PTPRG: variants seen among roughly 807,000 people sequenced by gnomAD.
PTPRG encodes protein tyrosine phosphatase receptor type G, also known as receptor-type tyrosine-protein phosphatase gamma.
PTPRG carries 102 observed loss-of-function variants against 165.3 expected under a neutral mutation model. That is an observed-to-expected ratio of 0.62 (90% CI 0.53 to 0.73). PTPRG has a LOEUF of 0.73. PTPRG is among the 30% of genes least tolerant of loss of function. The pLI, the probability that PTPRG is intolerant of heterozygous loss-of-function variation, is 0.00. For missense variants in PTPRG, 1,866 were observed against 1,861.4 expected (o/e 1.00, Z -0.05); for synonymous variants, 675 against 669.5 (o/e 1.01, Z -0.13).
At chr3:62,166,815 A>G (rs1163408704) in intron 7 of PTPRG, among the ~76,000 whole-genome samples, 2 of 151,850 alleles carry the variant, frequency 1.3e-5, no homozygotes, top group East Asian at 3.9e-4. Context: ...CACCCTCCCA[A>G]GAAGCTGCGA....
chr3:61,618,307 G>C (rs553999994), intron 1 of PTPRG, among the ~76,000 whole-genome samples: 1 of 152,228 alleles, frequency 6.6e-6, no homozygotes, highest in African/African-American at 2.4e-5. Context: ...TATCCATTAA[G>C]AAACTGGTAA....
intron 2 of PTPRG, among the ~76,000 whole-genome samples, chr3:61,799,069 A>G (rs2035152993): frequency 6.6e-6 from 1 of 152,154 alleles, no homozygotes; most frequent in South Asian, 2.1e-4. Flanking sequence ...ATAGAACTCT[A>G]CTATTTTCAT....
chr3:61,602,218 A>G (rs1700888745), intron 1 of PTPRG, among the ~76,000 whole-genome samples: 1 of 151,714 alleles, frequency 6.6e-6, no homozygotes, highest in Non-Finnish European at 1.5e-5. Context: ...CTTAGTCAAT[A>G]GGGTTGAGAC....
intron 3 of PTPRG, among the ~76,000 whole-genome samples, chr3:61,994,942 G>T (rs537509259): frequency 1.6e-4 from 24 of 152,090 alleles, no homozygotes; most frequent in Non-Finnish European, 2.9e-4. Flanking sequence ...CCTCTCTGCA[G>T]CCCTGAAGAG....
chr3:61,619,972 C>G (rs1208755453), intron 1 of PTPRG, among the ~76,000 whole-genome samples: 1 of 152,176 alleles, frequency 6.6e-6, no homozygotes, highest in African/African-American at 2.4e-5. Flanking sequence ...AGTTGTGTTA[C>G]TCCTTCACGC....
At chr3:61,836,331 G>C (rs947549164) in intron 2 of PTPRG, among the ~76,000 whole-genome samples, 1 of 152,082 alleles carries the variant, frequency 6.6e-6, no homozygotes, top group Non-Finnish European at 1.5e-5. Context: ...TGTTTTCTGA[G>C]TGTGTAGTAC....
chr3:61,697,542 C>G (rs878950308), intron 1 of PTPRG, among the ~76,000 whole-genome samples: 1 of 152,148 alleles, frequency 6.6e-6, no homozygotes, highest in Admixed American at 6.5e-5. Context: ...TGTTTTTCAT[C>G]TTTTCTTCTG....
chr3:62,208,104 C>G (rs1038090815), intron 12 of PTPRG, among the ~76,000 whole-genome samples: 1 of 152,234 alleles, frequency 6.6e-6, no homozygotes, highest in Admixed American at 6.5e-5. Context: ...TGGTCAACCT[C>G]TACTGTAGTG....
At chr3:61,616,236 G>T (rs1701293532) in intron 1 of PTPRG, among the ~76,000 whole-genome samples, 1 of 152,284 alleles carries the variant, frequency 6.6e-6, no homozygotes, top group African/African-American at 2.4e-5. Flanking sequence ...ACAGGCGCGA[G>T]CCACCATGCC....
rs141511439 is a variant in PTPRG at position 62,103,007 on chromosome 3, C to T, written c.615+24749C>T. 1.5e-3 allele frequency among the ~76,000 whole-genome samples: 233 copies of T among 152,300 alleles called. 3 individuals carry two copies. The highest frequency in any genetic ancestry group is 0.012 in the South Asian group (56 of 4,828). The stretch of plus-strand genomic sequence containing the variant: ...ATCAGAAGTTAAATCACAAGTCTTT[C>T]TGTTATATCCTACCAGCCCATCTTT... On this transcript the variant is annotated intron_variant, in intron 5 of 29. Coordinates refer to ENST00000474889, the MANE Select transcript of PTPRG (RefSeq NM_002841.4).
chr3:61,719,374 A>G (rs773717571), intron 1 of PTPRG, among the ~76,000 whole-genome samples: 4 of 152,096 alleles, frequency 2.6e-5, no homozygotes, highest in Non-Finnish European at 4.4e-5. Context: ...AGTTGTGGGG[A>G]TGACTGGTGT....
At chr3:61,847,197 A>C (rs1180003201) in intron 2 of PTPRG, among the ~76,000 whole-genome samples, 1 of 152,172 alleles carries the variant, frequency 6.6e-6, no homozygotes, top group Non-Finnish European at 1.5e-5. Context: ...ATCCAGTATA[A>C]CAGGTGTCCT....
rs571200804 is a variant in PTPRG at position 61,836,537 on chromosome 3, T to G, written c.190+87555T>G. Among the ~76,000 whole-genome samples, 4 of 152,294 alleles carry G rather than the reference T, an allele frequency of 2.6e-5. No homozygotes were observed. In the East Asian group the frequency reaches 7.7e-4, roughly 29 times the overall value. ...ACTATTTACTATGCTCTTACTACCT[T>G]CCGGGTACTTTGCATAATGCCTCTC... On this transcript the variant is annotated intron_variant, in intron 2 of 29. Coordinates refer to ENST00000474889, the MANE Select transcript of PTPRG (RefSeq NM_002841.4).
intron 1 of PTPRG, among the ~76,000 whole-genome samples, chr3:61,594,943 G>C (rs977432735): frequency 1.2e-4 from 18 of 151,896 alleles, no homozygotes; most frequent in African/African-American, 4.1e-4. Flanking sequence ...TACAATTAGT[G>C]CACTGATTTT....
chr3:62,113,838 T>C (rs1044153919), intron 5 of PTPRG, among the ~76,000 whole-genome samples: 1 of 152,238 alleles, frequency 6.6e-6, no homozygotes, highest in African/African-American at 2.4e-5. Context: ...TTTTAACTAC[T>C]TCATAGTTGA....
At chr3:62,071,834 A>G (rs1701219509) in intron 4 of PTPRG, among the ~76,000 whole-genome samples, 1 of 152,186 alleles carries the variant, frequency 6.6e-6, no homozygotes, top group Non-Finnish European at 1.5e-5. Context: ...TTGCCTATAA[A>G]ATGAGAATCG....
At chr3:61,960,015 T>C (rs1207289091) in intron 2 of PTPRG, among the ~76,000 whole-genome samples, 1 of 152,216 alleles carries the variant, frequency 6.6e-6, no homozygotes, top group African/African-American at 2.4e-5. Context: ...CTCATCCTTA[T>C]ATATCCATCA....
chr3:61,602,626 A>G (rs764877956), intron 1 of PTPRG, among the ~76,000 whole-genome samples: 7 of 152,200 alleles, frequency 4.6e-5, no homozygotes, highest in African/African-American at 7.2e-5. Context: ...GACACTGTCT[A>G]TTACTATCTT....
intron 12 of PTPRG, among the ~76,000 whole-genome samples, chr3:62,208,773 G>T (rs779429080): frequency 7.2e-5 from 11 of 152,198 alleles, no homozygotes; most frequent in Admixed American, 2.6e-4. Context: ...AACTCAACGT[G>T]AACACCTTTA....
Sources: gnomAD v4.1 joint callset for allele counts (sites outside exome capture counted in the v4.1 genomes callset) on GRCh38, gnomAD v4.1.1 for gene constraint, MANE v1.5 for transcripts, NCBI Gene and HGNC (gene_info 2026-07-23, HGNC 2026-07-21) for gene names.